Variants in PELI2 observed in about 807,000 individuals in gnomAD.
The protein encoded by PELI2 is pellino E3 ubiquitin protein ligase family member 2.
In PELI2, 23 loss-of-function variants were observed where a neutral mutation model predicts 42.3. The ratio of observed to expected loss-of-function variants is 0.54; its 90% CI spans 0.39 to 0.77. PELI2 has a LOEUF of 0.77. PELI2 is among the 30% of genes least tolerant of loss of function. The pLI is 0.00. For missense variants in PELI2, 463 were observed against 553.2 expected, an observed-to-expected ratio of 0.84 and a Z score of 1.64; for synonymous variants, 245 against 212.2, an observed-to-expected ratio of 1.15 and a Z score of -1.34.
At chr14:56,296,529 G>T in intron 5 of PELI2, 71 bp from the exon 6 acceptor site, 1 of 1,064,614 alleles carries the variant, frequency 9.4e-7, no homozygotes, top group African/African-American at 1.6e-5. Context: ...TGCTTGTTCT[G>T]AGAGGAAAGA....
In PELI2 at chr14:56,247,287, G is replaced by A. The variant is rs370652110; in HGVS notation, c.208-32389G>A. On this transcript the variant is annotated intron_variant, in intron 2 of 5. Coordinates refer to ENST00000267460, the MANE Select transcript of PELI2 (RefSeq NM_021255.3). Reference sequence around the variant, plus strand: ...CAAGATTTATCGTGTATATTCTTCCGATTATTATTTCAGTCAACTGTAGTT... The same window carrying A: ...CAAGATTTATCGTGTATATTCTTCCAATTATTATTTCAGTCAACTGTAGTT... 1.4e-4 allele frequency among the ~76,000 whole-genome samples: 22 copies of A among 152,230 alleles called. No individual in the cohort carries two copies. In the South Asian group the frequency reaches 2.5e-3, roughly 17 times the overall value.
At position 56,288,548 on chromosome 14, in the gene PELI2, T is replaced by C. The variant is rs1277853923; in HGVS notation, c.421T>C (p.Cys141Arg). The C allele has an allele frequency of 6.2e-7, 1 of 1,613,996 alleles. No individual in the cohort carries two copies. Among genetic ancestry groups the C allele is most frequent in the Non-Finnish European group, 8.5e-7 (1 of 1,179,982 alleles). ...ITQSTISRFA[C>R]RIVCDRNEPY... is the part of the protein sequence containing the mutation. ...ACAGAGCACCATATCCAGGTTCGCC[T>C]GCAGGATCGTGTGCGACAGGAATGA... The change falls in exon 4 of 6, where the codon TGC (cysteine) becomes CGC (arginine). Residue 141 changes from cysteine to arginine, a missense_variant. Cys to Arg is a radical substitution (Grantham distance 180). This residue lies in a region of PELI2 where 343 missense variants were observed against 378.4 expected (regional missense o/e 0.91). Coordinates refer to ENST00000267460, the MANE Select transcript of PELI2 (RefSeq NM_021255.3). The surrounding 1 kb of genome is among the most constrained non-coding windows in gnomAD (Gnocchi z 4.6).
chr14:56,215,128 G>A (rs1231238751), intron 2 of PELI2, among the ~76,000 whole-genome samples: 1 of 152,180 alleles, frequency 6.6e-6, no homozygotes, highest in Non-Finnish European at 1.5e-5. Flanking sequence ...CTATGTGACA[G>A]TCTCACTTCT....
chr14:56,163,770 C>CT (rs1239850512), intron 1 of PELI2, among the ~76,000 whole-genome samples: 1 of 151,874 alleles, frequency 6.6e-6, no homozygotes, highest in Non-Finnish European at 1.5e-5. Context: ...TTATAGAGAT[C>CT]TTTCACTTGA....
At chr14:56,251,730 C>G (rs111397849) in intron 2 of PELI2, among the ~76,000 whole-genome samples, 2,525 of 152,280 alleles carry the variant, frequency 0.017, 69 homozygotes, top group African/African-American at 0.057. Flanking sequence ...TGGAAAGAGG[C>G]TGCTAAGCAT....
chr14:56,242,988 A>C (rs902528322), intron 2 of PELI2, among the ~76,000 whole-genome samples: 7 of 152,236 alleles, frequency 4.6e-5, no homozygotes, highest in African/African-American at 1.7e-4. Context: ...CCTGTTCCCC[A>C]AAAACTATTG....
intron 1 of PELI2, among the ~76,000 whole-genome samples, chr14:56,137,387 C>T (rs1332811380): frequency 6.6e-6 from 1 of 152,176 alleles, no homozygotes. Flanking sequence ...GAATGAAACC[C>T]TATGCTACCT....
intron 2 of PELI2, among the ~76,000 whole-genome samples, chr14:56,270,941 T>C (rs1047833896): frequency 4.7e-4 from 71 of 152,184 alleles, no homozygotes; most frequent in Admixed American, 4.6e-3. Flanking sequence ...ATGTAAAGTT[T>C]GAGCTCAGCA....
At chr14:56,290,603 C>G in intron 5 of PELI2, 147 bp downstream of exon 5, 2 of 489,522 alleles carry the variant, frequency 4.1e-6, no homozygotes, top group Non-Finnish European at 6.9e-6. Context: ...ATTCCACAAG[C>G]CCCTGAAATC....
rs1435193811 is a variant in PELI2, at chr14:56,273,837, G to A, written c.208-5839G>A. ...CACTGCAAGTGACAAAATGCCTAAC[G>A]AAAAGCAGCCTAAAACCCTGATTTT... On this transcript the variant is annotated intron_variant, in intron 2 of 5. Transcript: ENST00000267460. This position sits in a 1 kb window ranked among gnomAD's most constrained non-coding sequence, Gnocchi z 4.3. 1.3e-5 allele frequency among the ~76,000 whole-genome samples: 2 copies of A among 152,176 alleles called. No homozygotes were observed. The highest frequency in any genetic ancestry group is 6.5e-5 in the Admixed American group (1 of 15,278).
intron 2 of PELI2, among the ~76,000 whole-genome samples, chr14:56,190,728 A>T (rs146789114): frequency 6.6e-6 from 1 of 152,338 alleles, no homozygotes; most frequent in African/African-American, 2.4e-5. Flanking sequence ...CATTGTGTGA[A>T]TATTCATTCT....
chr14:56,283,459 G>C (rs1439232457), intron 3 of PELI2, among the ~76,000 whole-genome samples: 2 of 152,174 alleles, frequency 1.3e-5, no homozygotes, highest in Admixed American at 6.5e-5. Context: ...TCAGCATAGA[G>C]ACCAGCACAG....
intron 2 of PELI2, among the ~76,000 whole-genome samples, chr14:56,212,051 A>G (rs985199447): frequency 3.3e-5 from 5 of 152,158 alleles, no homozygotes; most frequent in Non-Finnish European, 5.9e-5. Flanking sequence ...GGTGGTTGCT[A>G]TTTGGGGCAG....
chr14:56,211,169 C>T (rs919888706), intron 2 of PELI2, among the ~76,000 whole-genome samples: 3 of 152,348 alleles, frequency 2.0e-5, no homozygotes, highest in East Asian at 1.9e-4. Context: ...GCTCCATCAC[C>T]GCTGTCGAGT....
Position 56,290,397 on chromosome 14 carries a change from G to T in PELI2, c.637G>T (p.Val213Phe). 1.2e-6 allele frequency: 2 copies of T among 1,613,860 alleles called. No homozygotes were observed. Among genetic ancestry groups the T allele is most frequent in the Non-Finnish European group, 8.5e-7 (1 of 1,179,792 alleles). Residue 213 changes from valine to phenylalanine, a missense_variant, in exon 5 of 6, where the codon GTC becomes TTC. By Grantham distance (50) the Val-to-Phe change is conservative (BLOSUM62 -1). Coordinates refer to ENST00000267460, the MANE Select transcript of PELI2 (RefSeq NM_021255.3). ...SQPGVWREIS[V>F]CGDVYTLRET... ...GCCCGGGGTCTGGCGCGAGATCTCT[G>T]TCTGTGGAGATGTGTACACCTTGCG...
At chr14:56,241,793 G>C (rs1335422567) in intron 2 of PELI2, among the ~76,000 whole-genome samples, 1 of 152,126 alleles carries the variant, frequency 6.6e-6, no homozygotes, top group Non-Finnish European at 1.5e-5. Flanking sequence ...CTTTTGAGGG[G>C]AAATGAGTAA....
chr14:56,142,858 T>C (rs1418575574), intron 1 of PELI2, among the ~76,000 whole-genome samples: 1 of 152,206 alleles, frequency 6.6e-6, no homozygotes, highest in African/African-American at 2.4e-5. Context: ...GCTTTTTTTC[T>C]TTGCTTTTCA....
At position 56,178,394 on chromosome 14, in the gene PELI2, A is replaced by G. The variant is rs772366203; in HGVS notation, c.137A>G (p.Tyr46Cys). The G allele has an allele frequency of 8.1e-6, 13 of 1,614,014 alleles. No homozygotes were observed. Among genetic ancestry groups the G allele is most frequent in the East Asian group, 2.2e-5 (1 of 44,894 alleles). Reference protein sequence around the residue: ...RGRRKSRFALYKRPKANGVKP... With the variant: ...RGRRKSRFALCKRPKANGVKP... ...CGGAGGAAAAGTAGATTTGCCCTCT[A>G]CAAGCGGCCCAAGGCAAATGGTGTC... Residue 46 changes from tyrosine (Y) to cysteine (C), a missense_variant, in exon 2 of 6, where the codon TAC (tyrosine) becomes TGC (cysteine). Tyr to Cys is a radical substitution (Grantham distance 194). Transcript: ENST00000267460.
At chr14:56,233,214 A>G (rs1382991135) in intron 2 of PELI2, among the ~76,000 whole-genome samples, 1 of 152,230 alleles carries the variant, frequency 6.6e-6, no homozygotes, top group Non-Finnish European at 1.5e-5. Context: ...ATCCCCATCA[A>G]GCTAGCAGTG....
Sources: allele counts gnomAD v4.1 joint callset (sites outside exome capture counted in the v4.1 genomes callset), GRCh38; gene constraint gnomAD v4.1.1; regional missense constraint gnomAD v4.1.1; non-coding constraint Gnocchi (gnomAD v3.1); transcripts MANE v1.5; gene names NCBI Gene and HGNC (gene_info 2026-07-23, HGNC 2026-07-21).